BMERB1: variants seen among roughly 807,000 people sequenced by gnomAD.
The protein encoded by BMERB1 is bMERB domain containing 1.
In BMERB1, 12 loss-of-function variants were observed where a neutral mutation model predicts 23.6. That is an observed-to-expected ratio of 0.51 (90% confidence interval 0.33 to 0.82). The LOEUF is 0.82. Among genes scored for constraint, BMERB1 ranks in the 40% least tolerant of loss-of-function variants. The pLI is 0.03. For synonymous variants in BMERB1, 122 were observed against 96.6 expected, an observed-to-expected ratio of 1.26 and a Z score of -1.54; for missense variants, 247 against 255.4, an observed-to-expected ratio of 0.97 and a Z score of 0.22.
At chr16:15,560,877 G>A (rs1437176287) in intron 2 of BMERB1, among the ~76,000 whole-genome samples, 1 of 150,852 alleles carries the variant, frequency 6.6e-6, no homozygotes, top group Non-Finnish European at 1.5e-5. Flanking sequence ...TTTTAAAAAG[G>A]TTTTACTTGT....
At chr16:15,461,235 A>C (rs1294326633) in intron 1 of BMERB1, among the ~76,000 whole-genome samples, 1 of 151,960 alleles carries the variant, frequency 6.6e-6, no homozygotes, top group Non-Finnish European at 1.5e-5. Flanking sequence ...TTGCTGTGGG[A>C]GGAGCAAAAT....
Position 15,550,526 on chromosome 16 carries a change from C to T in BMERB1, c.231-17457C>T, listed in dbSNP as rs1381854128. 1.4e-4 allele frequency among the ~76,000 whole-genome samples: 21 copies of T among 149,584 alleles called. No homozygotes were observed. The East Asian group carries it at 3.0e-3, about 21-fold the overall frequency. On this transcript the variant is annotated intron_variant, in intron 2 of 5. Coordinates refer to ENST00000300006, the MANE Select transcript of BMERB1 (RefSeq NM_033201.3). ...TTTTTTTTTTTTTTTTAAGTAGAGACGGGGTTTCACCGTATTGCCCAGGCT... is the reference window on the plus strand; with the variant it reads ...TTTTTTTTTTTTTTTTAAGTAGAGATGGGGTTTCACCGTATTGCCCAGGCT...
chr16:15,473,905 G>A (rs1205594178), intron 1 of BMERB1, among the ~76,000 whole-genome samples: 1 of 151,926 alleles, frequency 6.6e-6, no homozygotes, highest in African/African-American at 2.4e-5. Flanking sequence ...GGATCATGAG[G>A]TCAGGAGATC....
At chr16:15,498,318 C>T (rs1025945274) in intron 1 of BMERB1, among the ~76,000 whole-genome samples, 2 of 152,038 alleles carry the variant, frequency 1.3e-5, no homozygotes, top group Non-Finnish European at 2.9e-5. Flanking sequence ...GGGAGGATCG[C>T]TTGAGGCCGG....
intron 1 of BMERB1, among the ~76,000 whole-genome samples, chr16:15,454,823 G>T (rs923484868): frequency 6.6e-6 from 1 of 151,418 alleles, no homozygotes; most frequent in Middle Eastern, 3.5e-3. Flanking sequence ...TTCTATTTAT[G>T]CTGTGAACAT....
At chr16:15,550,715 G>A (rs1446418716) in intron 2 of BMERB1, among the ~76,000 whole-genome samples, 2 of 152,104 alleles carry the variant, frequency 1.3e-5, no homozygotes, top group African/African-American at 4.8e-5. Context: ...TGACAGCCTG[G>A]TATATCTGGG....
intron 2 of BMERB1, among the ~76,000 whole-genome samples, chr16:15,519,812 C>T (rs1261390746): frequency 1.3e-5 from 2 of 152,252 alleles, no homozygotes; most frequent in African/African-American, 2.4e-5. Context: ...TCCTTTCCCC[C>T]AAGATCCACA....
chr16:15,468,968 T>TC (rs2051206948), intron 1 of BMERB1, among the ~76,000 whole-genome samples: 1 of 149,032 alleles, frequency 6.7e-6, no homozygotes, highest in African/African-American at 2.5e-5. Flanking sequence ...CTTCACACTT[T>TC]TTTTTTTTTT....
intron 1 of BMERB1, among the ~76,000 whole-genome samples, chr16:15,504,807 A>T (rs532281340): frequency 6.6e-6 from 1 of 152,160 alleles, no homozygotes; most frequent in Non-Finnish European, 1.5e-5. Context: ...TAAAAACCCA[A>T]ACAAGAGAAA....
At chr16:15,550,152 G>A (rs1031157413) in intron 2 of BMERB1, among the ~76,000 whole-genome samples, 1 of 152,148 alleles carries the variant, frequency 6.6e-6, no homozygotes, top group Non-Finnish European at 1.5e-5. Context: ...TGTTAGCCAG[G>A]ATGGTCTCTA....
At chr16:15,522,969 T>C (rs773309831) in intron 2 of BMERB1, among the ~76,000 whole-genome samples, 1 of 152,174 alleles carries the variant, frequency 6.6e-6, no homozygotes, top group Non-Finnish European at 1.5e-5. Context: ...TATCCTGGGT[T>C]CTTGCCTTGG....
intron 1 of BMERB1, among the ~76,000 whole-genome samples, chr16:15,494,966 C>G (rs1435274446): frequency 2.9e-5 from 4 of 136,056 alleles, no homozygotes; most frequent in Non-Finnish European, 6.1e-5. Flanking sequence ...TCACTGCAAT[C>G]TCTGCCTCCC....
At chr16:15,457,106 A>C (rs946568981) in intron 1 of BMERB1, among the ~76,000 whole-genome samples, 1 of 152,200 alleles carries the variant, frequency 6.6e-6, no homozygotes, top group Non-Finnish European at 1.5e-5. Context: ...GATTGTAGGC[A>C]TGAGGCACTG....
At chr16:15,538,195 G>A (rs547277232) in intron 2 of BMERB1, among the ~76,000 whole-genome samples, 1 of 152,172 alleles carries the variant, frequency 6.6e-6, no homozygotes, top group South Asian at 2.1e-4. Flanking sequence ...GCTCATGCCT[G>A]GAATCCCAGC....
chr16:15,555,756 C>G (rs1312439449), intron 2 of BMERB1, among the ~76,000 whole-genome samples: 1 of 152,208 alleles, frequency 6.6e-6, no homozygotes, highest in Non-Finnish European at 1.5e-5. Context: ...TTGCTGAGGC[C>G]AGGGGCTCCC....
At chr16:15,572,900 G>C (rs2030764427) in intron 3 of BMERB1, among the ~76,000 whole-genome samples, 1 of 152,160 alleles carries the variant, frequency 6.6e-6, no homozygotes, top group South Asian at 2.1e-4. Context: ...GGTTTTATAA[G>C]GGGTTTCCCC....
At chr16:15,548,655 G>A (rs931604953) in intron 2 of BMERB1, among the ~76,000 whole-genome samples, 3 of 152,148 alleles carry the variant, frequency 2.0e-5, no homozygotes, top group African/African-American at 7.2e-5. Context: ...CTACTTTGGG[G>A]CATCCAACAG....
rs1475815557 is a variant in BMERB1, at chr16:15,581,248, A to G, written c.336A>G (p.Arg112=). The G allele has an allele frequency of 1.2e-6, 2 of 1,613,878 alleles. No individual in the cohort carries two copies. Among genetic ancestry groups the G allele is most frequent in the South Asian group, 1.1e-5 (1 of 90,946 alleles). The change falls in exon 4 of 6, where the codon AGA becomes AGG. Residue 112 remains arginine (R), a synonymous_variant. Transcript: ENST00000300006. The part of the protein sequence containing the change: ...EKEKTKLQKQ[R]EDELIQKIHK... ...AAAAAACCAAACTGCAGAAGCAGAG[A>G]GAGGATGAGCTAATCCAGAAGATCC...
chr16:15,507,217 G>T (rs1274636858), intron 1 of BMERB1, among the ~76,000 whole-genome samples: 1 of 152,176 alleles, frequency 6.6e-6, no homozygotes, highest in Non-Finnish European at 1.5e-5. Context: ...ATTTAAACTA[G>T]AAGTTTTTAG....
Sources: gnomAD v4.1 joint callset for allele counts (sites outside exome capture counted in the v4.1 genomes callset) on GRCh38, gnomAD v4.1.1 for gene constraint, MANE v1.5 for transcripts, NCBI Gene and HGNC (gene_info 2026-07-23, HGNC 2026-07-21) for gene names.